CTNNA3: variants seen among roughly 807,000 people sequenced by gnomAD.
The protein encoded by CTNNA3 is catenin alpha-3.
In CTNNA3, 76 loss-of-function variants were observed where a neutral mutation model predicts 95.7. That is an observed-to-expected ratio of 0.79 (90% CI 0.66 to 0.96). The LOEUF is 0.96. Ranked by LOEUF, CTNNA3 falls within the 40% of genes least tolerant of loss-of-function variation. The pLI is 0.00. For missense variants in CTNNA3, 1,191 were observed against 1,089.8 expected (o/e 1.09, Z -1.31); for synonymous variants, 431 against 374.4 (o/e 1.15, Z -1.74).
chr10:67,512,342 T>A (rs962754517), intron 5 of CTNNA3, among the ~76,000 whole-genome samples: 4 of 152,048 alleles, frequency 2.6e-5, no homozygotes, highest in East Asian at 1.9e-4. Context: ...AAATAGATTT[T>A]AAAAAAATAG....
chr10:67,692,736 TAAAAAAAAAA>T (rs200961420), intron 1 of CTNNA3, among the ~76,000 whole-genome samples: 8 of 80,840 alleles, frequency 9.9e-5, no homozygotes, highest in Admixed American at 2.5e-4. Flanking sequence ...GAATGATCAA[TAAAAAAAAAA>T]AAAAAAAAAA....
intron 5 of CTNNA3, among the ~76,000 whole-genome samples, chr10:67,292,084 C>CTT (rs1186040080): frequency 6.6e-6 from 1 of 152,170 alleles, no homozygotes; most frequent in Non-Finnish European, 1.5e-5. Context: ...CTGAGCATGC[C>CTT]TTTCTTCCTT....
chr10:67,652,675 T>C (rs1441723903), intron 1 of CTNNA3, among the ~76,000 whole-genome samples: 1 of 152,100 alleles, frequency 6.6e-6, no homozygotes, highest in Non-Finnish European at 1.5e-5. Flanking sequence ...CCAGAACATA[T>C]GGATTTATAT....
At chr10:67,635,305 T>A (rs539055169) in intron 2 of CTNNA3, among the ~76,000 whole-genome samples, 5 of 152,206 alleles carry the variant, frequency 3.3e-5, no homozygotes, top group Non-Finnish European at 7.3e-5. Context: ...AAGGGACTCC[T>A]CTCTAACTCA....
Position 67,128,419 on chromosome 10 carries a change from A to T in CTNNA3, c.1047+51898T>A, listed in dbSNP as rs142696860. Among the ~76,000 whole-genome samples the T allele has an allele frequency of 8.3e-3, 1,269 of 152,234 alleles. 76 individuals are homozygous for T. The highest frequency in any genetic ancestry group is 0.076 in the Admixed American group (1,157 of 15,274). ...TACATCTCTCAACTGGGAAACAATA[A>T]TTCCAAAATAATCTGATCCTTTTTT... On this transcript the variant is annotated intron_variant, in intron 7 of 17. Transcript: ENST00000433211.
chr10:66,379,595 A>G (rs1189582404), intron 11 of CTNNA3, among the ~76,000 whole-genome samples: 1 of 152,200 alleles, frequency 6.6e-6, no homozygotes, highest in East Asian at 1.9e-4. Context: ...ACTGCATATT[A>G]TTTTAGATTC....
intron 5 of CTNNA3, among the ~76,000 whole-genome samples, chr10:67,472,682 A>T (rs910674760): frequency 5.9e-5 from 9 of 152,120 alleles, no homozygotes; most frequent in African/African-American, 1.9e-4. Flanking sequence ...AATTATAACC[A>T]ATGACGAGCC....
intron 9 of CTNNA3, among the ~76,000 whole-genome samples, chr10:66,688,280 T>C (rs1308295141): frequency 6.6e-6 from 1 of 152,164 alleles, no homozygotes; most frequent in Non-Finnish European, 1.5e-5. Context: ...CCTTAGGTTT[T>C]AGAATAAAAT....
chr10:67,076,283 T>C (rs1856744281), intron 7 of CTNNA3, among the ~76,000 whole-genome samples: 1 of 152,234 alleles, frequency 6.6e-6, no homozygotes, highest in African/African-American at 2.4e-5. Context: ...ATCTTAAGGC[T>C]AAAATGAACT....
chr10:67,022,576 T>C (rs76905011), intron 7 of CTNNA3, among the ~76,000 whole-genome samples: 3,617 of 152,262 alleles, frequency 0.024, 157 homozygotes, highest in African/African-American at 0.082. Flanking sequence ...AAGGTTGCAG[T>C]GTACAAAGTC....
At chr10:67,253,366 A>T (rs1383782185) in intron 5 of CTNNA3, among the ~76,000 whole-genome samples, 1 of 152,238 alleles carries the variant, frequency 6.6e-6, no homozygotes, top group African/African-American at 2.4e-5. Context: ...TTTTTCATTT[A>T]ATATTTTCAG....
intron 9 of CTNNA3, among the ~76,000 whole-genome samples, chr10:66,717,950 C>A (rs1192958154): frequency 6.6e-6 from 1 of 152,070 alleles, no homozygotes; most frequent in Non-Finnish European, 1.5e-5. Flanking sequence ...AAGTGTGAAT[C>A]CTTTTAACAG....
intron 10 of CTNNA3, among the ~76,000 whole-genome samples, chr10:66,566,696 C>G (rs1842717585): frequency 6.6e-6 from 1 of 152,034 alleles, no homozygotes; most frequent in Admixed American, 6.6e-5. Flanking sequence ...ACCCCTGCTA[C>G]TAGGTTCCTG....
chr10:66,713,389 G>C (rs1202410384), intron 9 of CTNNA3, among the ~76,000 whole-genome samples: 1 of 152,052 alleles, frequency 6.6e-6, no homozygotes, highest in Non-Finnish European at 1.5e-5. Flanking sequence ...GTATTTAGCA[G>C]ATTGGTATTT....
At chr10:67,177,278 T>C (rs938268681) in intron 7 of CTNNA3, among the ~76,000 whole-genome samples, 2 of 152,176 alleles carry the variant, frequency 1.3e-5, no homozygotes, top group Admixed American at 1.3e-4. Context: ...TGCTGATCTG[T>C]TTAAGGAACT....
chr10:67,404,006 G>A (rs757580658), intron 5 of CTNNA3, among the ~76,000 whole-genome samples: 10 of 152,100 alleles, frequency 6.6e-5, no homozygotes, highest in Admixed American at 1.3e-4. Context: ...AAGAAAAAAC[G>A]AGCAAAACAA....
At chr10:66,678,981 A>G (rs989484348) in intron 9 of CTNNA3, among the ~76,000 whole-genome samples, 1 of 152,174 alleles carries the variant, frequency 6.6e-6, no homozygotes, top group African/African-American at 2.4e-5. Context: ...TATTTCCCTA[A>G]GGATTCTGGA....
At chr10:66,635,580 G>T (rs1211681970) in intron 9 of CTNNA3, among the ~76,000 whole-genome samples, 3 of 152,036 alleles carry the variant, frequency 2.0e-5, no homozygotes, top group Admixed American at 6.5e-5. Flanking sequence ...AACATGTTTT[G>T]TACATATTGC....
At chr10:66,021,740 A>G in intron 15 of CTNNA3, among the ~76,000 whole-genome samples, 1 of 152,166 alleles carries the variant, frequency 6.6e-6, no homozygotes, top group Admixed American at 6.6e-5. Context: ...CTGAGACAGA[A>G]AAACAAAACA....
Sources: gnomAD v4.1 joint callset for allele counts (sites outside exome capture counted in the v4.1 genomes callset) on GRCh38, gnomAD v4.1.1 for gene constraint, MANE v1.5 for transcripts, NCBI Gene and HGNC (gene_info 2026-07-23, HGNC 2026-07-21) for gene names.